FGGY: variants seen among roughly 807,000 people sequenced by gnomAD.
FGGY encodes FGGY carbohydrate kinase domain-containing protein.
FGGY carries 72 observed loss-of-function variants against 71.3 expected under a neutral mutation model. The ratio of observed to expected loss-of-function variants is 1.01; its 90% confidence interval spans 0.84 to 1.23. The LOEUF is 1.23. Ranked by LOEUF, FGGY falls within the 50% of genes most tolerant of loss-of-function variation. The pLI is 0.00. For synonymous variants in FGGY, 251 were observed against 250.3 expected (o/e 1.00, Z -0.02); for missense variants, 668 against 682.3 (o/e 0.98, Z 0.23).
intron 14 of FGGY, among the ~76,000 whole-genome samples, chr1:59,734,786 T>G (rs541885054): frequency 6.6e-5 from 10 of 152,262 alleles, no homozygotes; most frequent in Non-Finnish European, 5.9e-5. Context: ...GAGGAAGGCC[T>G]CGGGAGCTGG....
chr1:59,381,305 G>T (rs1438191033), intron 5 of FGGY, among the ~76,000 whole-genome samples: 1 of 152,200 alleles, frequency 6.6e-6, no homozygotes, highest in Non-Finnish European at 1.5e-5. Flanking sequence ...GAACTTTAAA[G>T]TAGTTTTTTT....
At chr1:59,398,930 A>G (rs835420) in intron 5 of FGGY, among the ~76,000 whole-genome samples, 9,083 of 152,268 alleles carry the variant, frequency 0.06, 864 homozygotes, top group African/African-American at 0.21. Flanking sequence ...GTGGCAATGT[A>G]TGTGGCTTCA....
At chr1:59,461,819 T>C (rs1244248472) in intron 6 of FGGY, among the ~76,000 whole-genome samples, 2 of 152,126 alleles carry the variant, frequency 1.3e-5, no homozygotes, top group Non-Finnish European at 2.9e-5. Flanking sequence ...TGTATTTTAT[T>C]TTTTTCTTCT....
chr1:59,378,862 T>A, intron 5 of FGGY, 25 bp downstream of exon 5: 1 of 1,580,942 alleles, frequency 6.3e-7, no homozygotes, highest in South Asian at 1.1e-5. Flanking sequence ...AGTTGGATTG[T>A]GTTTGCGTTC....
At position 59,723,251 on chromosome 1, in the gene FGGY, A is replaced by G. The variant is rs533912256; in HGVS notation, c.1513-34680A>G. 5.9e-5 allele frequency among the ~76,000 whole-genome samples: 9 copies of G among 152,292 alleles called. No individual in the cohort carries two copies. The South Asian group carries it at 1.5e-3, about 25-fold the overall frequency. ...TGTACCCTAACCCATGTATATACCCATATCTATAAATATTTCTGTATGTAA... is the reference window on the plus strand; with the variant it reads ...TGTACCCTAACCCATGTATATACCCGTATCTATAAATATTTCTGTATGTAA... On this transcript the variant is annotated intron_variant, in intron 14 of 15. Transcript: ENST00000303721.
chr1:59,372,885 A>C (rs2057942200), intron 4 of FGGY, among the ~76,000 whole-genome samples: 1 of 152,150 alleles, frequency 6.6e-6, no homozygotes, highest in South Asian at 2.1e-4. Flanking sequence ...ACTCTCAATA[A>C]ATTAGGTATT....
At chr1:59,463,936 G>C (rs2092438509) in intron 6 of FGGY, among the ~76,000 whole-genome samples, 1 of 152,164 alleles carries the variant, frequency 6.6e-6, no homozygotes, top group Admixed American at 6.5e-5. Context: ...ACACCCCACT[G>C]TCAATATTCC....
intron 4 of FGGY, among the ~76,000 whole-genome samples, chr1:59,347,262 A>G (rs576475421): frequency 3.2e-4 from 33 of 101,968 alleles, no homozygotes; most frequent in African/African-American, 1.2e-3. Context: ...CCACCCCACA[A>G]CAGGCCCCGG....
At chr1:59,705,551 C>A (rs2097751712) in intron 14 of FGGY, among the ~76,000 whole-genome samples, 1 of 152,146 alleles carries the variant, frequency 6.6e-6, no homozygotes, top group Admixed American at 6.6e-5. Context: ...TGGGGAAATT[C>A]TAAAACTCCA....
chr1:59,459,141 G>A (rs747782229), intron 6 of FGGY, among the ~76,000 whole-genome samples: 42 of 152,314 alleles, frequency 2.8e-4, no homozygotes, highest in Non-Finnish European at 5.3e-4. Flanking sequence ...CTGGGCCCAT[G>A]CAGTAAATAA....
rs143843765 is a variant in FGGY, at chr1:59,748,872, G to A, written c.1513-9059G>A. 4.9e-3 allele frequency among the ~76,000 whole-genome samples: 744 copies of A among 152,252 alleles called. 2 individuals carry two copies. Among genetic ancestry groups the A allele is most frequent in the South Asian group, 0.02 (98 of 4,814 alleles). ...GAGAACCCCTCCGTAGCATCAGGAT[G>A]GGGGCTGGTCACCAGAAAGACCAAG... On this transcript the variant is annotated intron_variant, in intron 14 of 15. Transcript: ENST00000303721.
intron 11 of FGGY, among the ~76,000 whole-genome samples, chr1:59,656,632 A>G (rs968365439): frequency 6.6e-6 from 1 of 152,192 alleles, no homozygotes; most frequent in Non-Finnish European, 1.5e-5. Context: ...TCACATTTCA[A>G]TACCATGGCT....
At chr1:59,437,899 G>C (rs2068830797) in intron 5 of FGGY, among the ~76,000 whole-genome samples, 1 of 152,204 alleles carries the variant, frequency 6.6e-6, no homozygotes, top group African/African-American at 2.4e-5. Context: ...ACCAGTCAGG[G>C]AGAGATACTG....
At position 59,630,308 on chromosome 1, in the gene FGGY, C is replaced by T. The variant is rs180678898; in HGVS notation, c.1073+4259C>T. Among the ~76,000 whole-genome samples the T allele has an allele frequency of 2.9e-3, 437 of 152,196 alleles. 2 individuals are homozygous for T. The highest frequency in any genetic ancestry group is 0.01 in the African/African-American group (420 of 41,520). On this transcript the variant is annotated intron_variant, in intron 10 of 15. Coordinates refer to ENST00000303721, the MANE Select transcript of FGGY (RefSeq NM_018291.5). ...CAAACCATATCAACTACTACTATTA[C>T]TACTAATGATTGTAAGAGGAGGAAG...
At chr1:59,678,485 A>G (rs953391965) in intron 14 of FGGY, among the ~76,000 whole-genome samples, 7 of 152,246 alleles carry the variant, frequency 4.6e-5, no homozygotes, top group African/African-American at 1.2e-4. Context: ...CTATGCTTAC[A>G]CTTTCTAAGC....
chr1:59,755,442 C>T (rs374708268), intron 14 of FGGY: 1 of 152,082 alleles, frequency 6.6e-6, no homozygotes, highest in African/African-American at 2.4e-5. Context: ...ATGTCATAAA[C>T]GCTATGATAG....
At chr1:59,554,378 A>T in intron 8 of FGGY, 151 bp downstream of exon 8, 1 of 549,358 alleles carries the variant, frequency 1.8e-6, no homozygotes. Context: ...CCAGCTCCCC[A>T]CTCTACCTCC....
intron 11 of FGGY, among the ~76,000 whole-genome samples, chr1:59,647,818 T>C (rs1223793758): frequency 3.0e-5 from 4 of 133,058 alleles, no homozygotes; most frequent in African/African-American, 1.2e-4. Context: ...TACATATGTA[T>C]ACATGTGCCA....
At chr1:59,754,550 G>A (rs752738420) in intron 14 of FGGY, among the ~76,000 whole-genome samples, 4 of 151,990 alleles carry the variant, frequency 2.6e-5, no homozygotes, top group East Asian at 1.9e-4. Flanking sequence ...CACCCTCCCC[G>A]TGGGACCACA....
Sources: gnomAD v4.1 joint callset for allele counts (sites outside exome capture counted in the v4.1 genomes callset) on GRCh38, gnomAD v4.1.1 for gene constraint, MANE v1.5 for transcripts, NCBI Gene and HGNC (gene_info 2026-07-23, HGNC 2026-07-21) for gene names.